Variants in DOCK3 observed in about 807,000 individuals in gnomAD.
DOCK3 encodes the protein dedicator of cytokinesis protein 3.
In DOCK3, 60 loss-of-function variants were observed where a neutral mutation model predicts 265.6. The observed-to-expected ratio is 0.23, with a 90% CI of 0.18 to 0.28. The LOEUF (loss-of-function observed/expected upper bound fraction) is 0.28, where lower values mean the gene tolerates loss of function less well. DOCK3 is among the 10% of genes least tolerant of loss of function. The pLI is 1.00. For missense variants in DOCK3, 1,981 were observed against 2,594.3 expected, an observed-to-expected ratio of 0.76 and a Z score of 5.14; for synonymous variants, 881 against 938.0, an observed-to-expected ratio of 0.94 and a Z score of 1.11.
At chr3:50,863,615 C>G (rs761814823) in intron 3 of DOCK3, among the ~76,000 whole-genome samples, 2 of 152,124 alleles carry the variant, frequency 1.3e-5, no homozygotes, top group Non-Finnish European at 2.9e-5. Flanking sequence ...TACTTTTTCT[C>G]AGTTTTTCTT....
At chr3:51,245,476 C>T (rs923865790) in intron 21 of DOCK3, among the ~76,000 whole-genome samples, 6 of 150,476 alleles carry the variant, frequency 4.0e-5, no homozygotes, top group East Asian at 2.0e-4. Flanking sequence ...CTGCAACCTC[C>T]GCCTCCTGGG....
chr3:50,762,564 A>G (rs1281342695), intron 1 of DOCK3, among the ~76,000 whole-genome samples: 1 of 152,178 alleles, frequency 6.6e-6, no homozygotes, highest in East Asian at 1.9e-4. Flanking sequence ...CTTTTAACCA[A>G]TATTCCTACT....
rs1252597605 is a variant in DOCK3, at chr3:50,675,109, C to T, written c.-155C>T. The T allele has an allele frequency of 2.8e-6, 1 of 351,768 alleles. No homozygotes were observed. 21.8% of individuals were successfully genotyped at this position (351,768 alleles called of 1,614,324 possible). On this transcript the variant is annotated 5_prime_UTR_variant, in exon 1 of 53. Coordinates refer to ENST00000266037, the MANE Select transcript of DOCK3 (RefSeq NM_004947.5). This position sits in a 1 kb window ranked among gnomAD's most constrained non-coding sequence, Gnocchi z 6.1. ...CCAGACGTGGCGGGGGTGGCGGCGG[C>T]ATCCCGGACGGCCTGTGAGGGATGC...
At chr3:50,727,658 A>G (rs1455909528) in intron 1 of DOCK3, among the ~76,000 whole-genome samples, 1 of 152,216 alleles carries the variant, frequency 6.6e-6, no homozygotes, top group Non-Finnish European at 1.5e-5. Context: ...TGATTGCGCC[A>G]CTGCACTCCA....
chr3:50,855,682 C>T (rs1315000308), intron 3 of DOCK3, among the ~76,000 whole-genome samples: 1 of 151,004 alleles, frequency 6.6e-6, no homozygotes, highest in African/African-American at 2.4e-5. Context: ...TATTTATTTC[C>T]TTCAACTTTT....
chr3:50,977,963 C>T (rs930573575), intron 5 of DOCK3, among the ~76,000 whole-genome samples: 5 of 152,096 alleles, frequency 3.3e-5, no homozygotes, highest in South Asian at 2.1e-4. Context: ...GCATTCTTCC[C>T]GTTGTTCTCG....
intron 2 of DOCK3, among the ~76,000 whole-genome samples, chr3:50,812,660 A>G (rs961744815): frequency 6.6e-6 from 1 of 152,314 alleles, no homozygotes; most frequent in East Asian, 1.9e-4. Context: ...TTTTTGTTCT[A>G]TTCAGGCTTT....
At chr3:51,073,076 G>C (rs1393494704) in intron 6 of DOCK3, among the ~76,000 whole-genome samples, 1 of 151,836 alleles carries the variant, frequency 6.6e-6, no homozygotes, top group Non-Finnish European at 1.5e-5. Context: ...CTAATTGTAG[G>C]CTAGTTCACA....
chr3:51,101,037 T>C (rs1309550578), intron 9 of DOCK3, among the ~76,000 whole-genome samples: 1 of 151,402 alleles, frequency 6.6e-6, no homozygotes, highest in Non-Finnish European at 1.5e-5. Flanking sequence ...ACTCTTGGCC[T>C]CAAGCGATTC....
At chr3:50,771,621 G>A (rs1161973162) in intron 1 of DOCK3, among the ~76,000 whole-genome samples, 2 of 152,188 alleles carry the variant, frequency 1.3e-5, no homozygotes, top group East Asian at 3.8e-4. Flanking sequence ...GGAGGCCCAG[G>A]TGGGTGGATC....
At chr3:51,278,142 G>A in intron 26 of DOCK3, 1 of 985,428 alleles carries the variant, frequency 1.0e-6, no homozygotes, top group Non-Finnish European at 1.2e-6. Context: ...GTACAGGACA[G>A]AATAATTTTC....
chr3:51,000,024 T>A (rs1023506794), intron 5 of DOCK3, among the ~76,000 whole-genome samples: 2 of 152,178 alleles, frequency 1.3e-5, no homozygotes, highest in Non-Finnish European at 2.9e-5. Flanking sequence ...GACCTAGGGA[T>A]CAGCCCAAAG....
At chr3:50,718,327 T>C (rs1440614304) in intron 1 of DOCK3, among the ~76,000 whole-genome samples, 1 of 152,232 alleles carries the variant, frequency 6.6e-6, no homozygotes, top group African/African-American at 2.4e-5. Flanking sequence ...CAGCACTGTT[T>C]GTAGCTTTTA....
chr3:51,143,060 T>A (rs141018042), intron 9 of DOCK3, among the ~76,000 whole-genome samples: 6,927 of 152,084 alleles, frequency 0.046, 568 homozygotes, highest in African/African-American at 0.16. Context: ...CTAATTTTTG[T>A]GTTTTTAGTA....
At chr3:51,256,595 T>G (rs925069956) in intron 22 of DOCK3, among the ~76,000 whole-genome samples, 1 of 143,874 alleles carries the variant, frequency 7.0e-6, no homozygotes, top group Non-Finnish European at 1.5e-5. Context: ...TCGTTTTTGT[T>G]TTTTTTTTTT....
At chr3:51,141,131 T>G (rs2107186155) in intron 9 of DOCK3, among the ~76,000 whole-genome samples, 1 of 152,100 alleles carries the variant, frequency 6.6e-6, no homozygotes, top group Middle Eastern at 3.4e-3. Flanking sequence ...TTGGTGTCCT[T>G]CCTACCTAAG....
chr3:50,745,624 G>T (rs2039377179), intron 1 of DOCK3, among the ~76,000 whole-genome samples: 1 of 152,166 alleles, frequency 6.6e-6, no homozygotes, highest in Non-Finnish European at 1.5e-5. Flanking sequence ...GCATAACACT[G>T]AATTTTTGGA....
At chr3:50,849,665 G>A (rs2046267655) in intron 3 of DOCK3, among the ~76,000 whole-genome samples, 2 of 152,152 alleles carry the variant, frequency 1.3e-5, no homozygotes, top group African/African-American at 4.8e-5. Context: ...TAGCAATGAA[G>A]ACTAGAATAT....
chr3:50,767,904 G>T (rs1446091446), intron 1 of DOCK3, among the ~76,000 whole-genome samples: 2 of 18,908 alleles, frequency 1.1e-4, no homozygotes, highest in African/African-American at 4.1e-4. Context: ...GTTCACTCAT[G>T]ATTTGGCTCT....
Sources: allele counts gnomAD v4.1 joint callset (sites outside exome capture counted in the v4.1 genomes callset), GRCh38; gene constraint gnomAD v4.1.1; non-coding constraint Gnocchi (gnomAD v3.1); transcripts MANE v1.5; gene names NCBI Gene and HGNC (gene_info 2026-07-23, HGNC 2026-07-21).